Variants in PKIG observed in about 807,000 individuals in gnomAD.
PKIG encodes the protein protein kinase (cAMP-dependent, catalytic) inhibitor gamma.
Under a neutral mutation model 6.8 loss-of-function variants are expected in PKIG, and 1 was observed. The ratio of observed to expected loss-of-function variants is 0.15; its 90% CI spans 0.05 to 0.69. The LOEUF (loss-of-function observed/expected upper bound fraction) is 0.69. PKIG is among the 30% of genes least tolerant of loss of function. PKIG has a pLI of 0.82. For missense variants in PKIG, 77 were observed against 104.0 expected (o/e 0.74, Z 1.13); for synonymous variants, 39 against 43.0 (o/e 0.91, Z 0.36).
At chr20:44,575,376 G>A (rs1337168661) in intron 1 of PKIG, among the ~76,000 whole-genome samples, 3 of 152,102 alleles carry the variant, frequency 2.0e-5, no homozygotes, top group South Asian at 4.1e-4. Flanking sequence ...CTGCCACCAC[G>A]CCCAGCCAAT....
At chr20:44,576,152 AAGT>A (rs2064895439) in intron 1 of PKIG, among the ~76,000 whole-genome samples, 1 of 140,776 alleles carries the variant, frequency 7.1e-6, no homozygotes, top group Admixed American at 7.5e-5. Flanking sequence ...AGACTGGACT[AAGT>A]AGAGTGTGTG....
chr20:44,542,795 G>A (rs921674447), intron 1 of PKIG, among the ~76,000 whole-genome samples: 11 of 152,136 alleles, frequency 7.2e-5, no homozygotes, highest in Admixed American at 1.3e-4. Flanking sequence ...GTTTCACCAC[G>A]TTGGCCAGAC....
rs560886100 is a variant in PKIG, at chr20:44,599,776, C to A, written c.-24+9910C>A. ...TGTATAACTGTTGGCTCCAATTAAT[C>A]CCCACAGCCACTTTTTAAGACAAGT... is the stretch of plus-strand genomic sequence containing the variant. On this transcript the variant is annotated intron_variant, in intron 2 of 3. Transcript: ENST00000372886. Among the ~76,000 whole-genome samples the A allele has an allele frequency of 2.6e-5, 4 of 152,272 alleles. No homozygotes were observed. The South Asian group carries it at 8.3e-4, about 32-fold the overall frequency.
intron 1 of PKIG, among the ~76,000 whole-genome samples, chr20:44,563,816 C>T (rs2064788117): frequency 6.6e-6 from 1 of 152,164 alleles, no homozygotes; most frequent in African/African-American, 2.4e-5. Flanking sequence ...CAGGCATGAG[C>T]CACTGCACCT....
intron 2 of PKIG, among the ~76,000 whole-genome samples, chr20:44,604,021 A>G (rs969308659): frequency 7.0e-6 from 1 of 143,326 alleles, no homozygotes; most frequent in Non-Finnish European, 1.5e-5. Flanking sequence ...GGGCTTGAGG[A>G]TGAATTGGGG....
At chr20:44,532,268 C>A (rs2064473445) in intron 1 of PKIG, among the ~76,000 whole-genome samples, 1 of 152,108 alleles carries the variant, frequency 6.6e-6, no homozygotes. Context: ...GAAAATAACT[C>A]AAAACTGTGC....
intron 1 of PKIG, among the ~76,000 whole-genome samples, chr20:44,586,303 T>G (rs1334234700): frequency 2.6e-5 from 4 of 152,238 alleles, no homozygotes; most frequent in Non-Finnish European, 5.9e-5. Context: ...AAAGAGAATG[T>G]CAGCCAATGT....
intron 1 of PKIG, among the ~76,000 whole-genome samples, chr20:44,534,875 C>T (rs2064498860): frequency 6.6e-6 from 1 of 152,148 alleles, no homozygotes; most frequent in African/African-American, 2.4e-5. Context: ...AACATGCTCA[C>T]TCAGGGTCAC....
intron 1 of PKIG, among the ~76,000 whole-genome samples, chr20:44,543,617 T>A (rs2064582626): frequency 1.3e-5 from 2 of 152,216 alleles, no homozygotes; most frequent in Non-Finnish European, 2.9e-5. Flanking sequence ...GTTCACTTAA[T>A]CTACTGTCAC....
chr20:44,609,703 C>T (rs532543041), intron 2 of PKIG, among the ~76,000 whole-genome samples: 16 of 152,278 alleles, frequency 1.1e-4, no homozygotes, highest in African/African-American at 3.8e-4. Flanking sequence ...TTCCTGTTCC[C>T]GTGGAGCTGA....
At chr20:44,559,464 T>C (rs147615884) in intron 1 of PKIG, among the ~76,000 whole-genome samples, 29 of 152,310 alleles carry the variant, frequency 1.9e-4, no homozygotes, top group South Asian at 8.3e-4. Context: ...TTCCAAATTA[T>C]CAGAACCAAG....
At chr20:44,574,916 C>T (rs1316710425) in intron 1 of PKIG, among the ~76,000 whole-genome samples, 1 of 152,190 alleles carries the variant, frequency 6.6e-6, no homozygotes, top group East Asian at 1.9e-4. Context: ...AAAATATAAC[C>T]ACACTATCAC....
chr20:44,580,832 T>C (rs2064941561), upstream of PKIG, among the ~76,000 whole-genome samples: 1 of 152,166 alleles, frequency 6.6e-6, no homozygotes, highest in African/African-American at 2.4e-5. Context: ...AGCCTCTTCC[T>C]TACCTATAGA....
chr20:44,575,323 A>G (rs1300111488), intron 1 of PKIG, among the ~76,000 whole-genome samples: 1 of 152,052 alleles, frequency 6.6e-6, no homozygotes, highest in African/African-American at 2.4e-5. Context: ...GGTTCAAACG[A>G]TGCTCCTGCC....
chr20:44,610,727 A>AT (rs1444630537), intron 2 of PKIG, among the ~76,000 whole-genome samples: 4 of 151,828 alleles, frequency 2.6e-5, no homozygotes, highest in Non-Finnish European at 5.9e-5. Flanking sequence ...GTTTTTTCAG[A>AT]TTTTTTTTTC....
intron 3 of PKIG, among the ~76,000 whole-genome samples, chr20:44,617,386 C>CTGTT (rs2065275177): frequency 6.6e-6 from 1 of 152,244 alleles, no homozygotes; most frequent in African/African-American, 2.4e-5. Context: ...GAAAAGACAC[C>CTGTT]TGTTTATCAT....
intron 1 of PKIG, among the ~76,000 whole-genome samples, chr20:44,567,193 T>C (rs893139990): frequency 6.6e-6 from 1 of 152,222 alleles, no homozygotes; most frequent in African/African-American, 2.4e-5. Context: ...AAATGCAGGC[T>C]GGGGAAAGCC....
intron 2 of PKIG, among the ~76,000 whole-genome samples, chr20:44,603,759 A>G (rs2065141593): frequency 1.3e-5 from 2 of 152,224 alleles, no homozygotes; most frequent in South Asian, 4.1e-4. Context: ...ATGGTCCTGA[A>G]TGAATCAAAG....
intron 2 of PKIG, among the ~76,000 whole-genome samples, chr20:44,598,111 G>A (rs181682471): frequency 6.6e-6 from 1 of 152,174 alleles, no homozygotes; most frequent in Non-Finnish European, 1.5e-5. Flanking sequence ...CTGAAGGCTG[G>A]CCGGCTGCTG....
Sources: gnomAD v4.1 joint callset for allele counts (sites outside exome capture counted in the v4.1 genomes callset) on GRCh38, gnomAD v4.1.1 for gene constraint, MANE v1.5 for transcripts, NCBI Gene and HGNC (gene_info 2026-07-23, HGNC 2026-07-21) for gene names.